Variants in SHE observed in about 807,000 individuals in gnomAD.
SHE encodes the protein SH2 domain-containing adapter protein E.
Under a neutral mutation model 49.8 loss-of-function variants are expected in SHE, and 11 were observed. The observed-to-expected ratio is 0.22, with a 90% CI of 0.14 to 0.37. The LOEUF is 0.37. Ranked by LOEUF, SHE falls within the 10% of genes least tolerant of loss-of-function variation. The probability of loss-of-function intolerance (pLI) is 1.00; values close to 1 mark genes in which losing one functional copy is unlikely to be tolerated. For synonymous variants in SHE, 310 were observed against 278.1 expected (o/e 1.11, Z -1.14); for missense variants, 624 against 655.5 (o/e 0.95, Z 0.52).
At chr1:154,474,243 C>G (rs1691822393) in intron 1 of SHE, among the ~76,000 whole-genome samples, 1 of 152,198 alleles carries the variant, frequency 6.6e-6, no homozygotes, top group Non-Finnish European at 1.5e-5. Flanking sequence ...CCATGGGAGT[C>G]TGAGCGCACA....
chr1:154,489,407 G>C (rs1176857812), intron 2 of SHE, 51 bp from the exon 3 acceptor site: 1 of 1,568,038 alleles, frequency 6.4e-7, no homozygotes, highest in East Asian at 2.2e-5. Context: ...ACAATGTCTT[G>C]AAAGCAAAGA....
intron 3 of SHE, among the ~76,000 whole-genome samples, chr1:154,488,485 C>T (rs370129780): frequency 6.6e-6 from 1 of 152,264 alleles, no homozygotes; most frequent in African/African-American, 2.4e-5. Context: ...TCTTGAACTC[C>T]TGACCTCAAG....
At chr1:154,490,425 C>T (rs2149294436) in intron 2 of SHE, among the ~76,000 whole-genome samples, 1 of 152,280 alleles carries the variant, frequency 6.6e-6, no homozygotes, top group South Asian at 2.1e-4. Context: ...TTGTCTAAAC[C>T]AGTAAGTGCC....
rs1692019322 is a variant in SHE at position 154,481,580 on chromosome 1, A to AAAAATTGTAT, written c.*2559_*2568dup. 1.0e-6 allele frequency: 1 copy of AAAAATTGTAT among 985,282 alleles called. No individual in the cohort carries two copies. Among genetic ancestry groups the AAAAATTGTAT allele is most frequent in the Non-Finnish European group, 1.2e-6 (1 of 829,886 alleles). 61.0% of individuals were successfully genotyped at this position (985,282 alleles called of 1,614,324 possible). ...GCCAAAAATCATTTAGTGCACAAAG[A>AAAAATTGTAT]AAAATTGTATAAAGCTTTTAGCATT... On this transcript the variant is annotated 3_prime_UTR_variant, in exon 6 of 6. Transcript: ENST00000304760.
intron 2 of SHE, among the ~76,000 whole-genome samples, chr1:154,498,002 T>A (rs530759410): frequency 6.6e-6 from 1 of 152,196 alleles, no homozygotes; most frequent in Admixed American, 6.5e-5. Flanking sequence ...TTATAATTAC[T>A]GCTTAGTAAT....
chr1:154,476,471 C>G (rs898307760), downstream of SHE, among the ~76,000 whole-genome samples: 1 of 151,976 alleles, frequency 6.6e-6, no homozygotes, highest in African/African-American at 2.4e-5. Context: ...AGTGAAACCC[C>G]GTCTCTACTA....
intron 1 of SHE, among the ~76,000 whole-genome samples, chr1:154,499,470 G>A (rs1200951573): frequency 6.6e-6 from 1 of 152,078 alleles, no homozygotes; most frequent in South Asian, 2.1e-4. Context: ...TATCCCCAAG[G>A]CTCTTTATAC....
intron 3 of SHE, among the ~76,000 whole-genome samples, chr1:154,488,105 G>A (rs1289562354): frequency 1.3e-5 from 2 of 151,350 alleles, no homozygotes; most frequent in Admixed American, 6.6e-5. Flanking sequence ...ACAACACCCA[G>A]GTATTTTTTG....
chr1:154,494,841 C>T (rs1232846030), intron 2 of SHE, among the ~76,000 whole-genome samples: 1 of 152,134 alleles, frequency 6.6e-6, no homozygotes, highest in African/African-American at 2.4e-5. Flanking sequence ...GACTTGAGGC[C>T]AGGAGTTCGA....
chr1:154,500,651 C>T (rs1007384474), intron 1 of SHE, among the ~76,000 whole-genome samples: 1 of 152,236 alleles, frequency 6.6e-6, no homozygotes, highest in African/African-American at 2.4e-5. Flanking sequence ...CGGACCAACT[C>T]ATCTCAGCAA....
chr1:154,499,138 G>T lies in SHE; in HGVS notation c.692C>A (p.Pro231Gln). Residue 231 changes from proline (P) to glutamine (Q), a missense_variant, in exon 2 of 6, where the codon CCA (proline) becomes CAA (glutamine). Around this residue, in one of 4 missense-constraint regions of SHE, gnomAD observed 7 missense variants for 25.7 expected, o/e 0.27. Coordinates refer to ENST00000304760, the MANE Select transcript of SHE (RefSeq NM_001010846.3). ...RVGENDGYMEPYDAQQMITEI... is the reference protein window; with the variant it reads ...RVGENDGYMEQYDAQQMITEI... ...TGTTATCATTTGCTGTGCATCATAT[G>T]GTTCCATGTAACCGTCGTTCTCTCC... 6.2e-7 allele frequency: 1 copy of T among 1,614,144 alleles called. No individual in the cohort carries two copies. The highest frequency in any genetic ancestry group is 1.3e-5 in the African/African-American group (1 of 75,036).
At chr1:154,485,843 C>T (rs1429861323) in intron 5 of SHE, 100 bp downstream of exon 5, 1 of 1,433,626 alleles carries the variant, frequency 7.0e-7, no homozygotes, top group African/African-American at 1.4e-5. Flanking sequence ...GCAATGCACA[C>T]CCCTGTGAAA....
At chr1:154,474,987 G>A (rs1398419423), downstream of SHE, among the ~76,000 whole-genome samples, 3 of 152,226 alleles carry the variant, frequency 2.0e-5, no homozygotes, top group Admixed American at 1.3e-4. Flanking sequence ...GGAGTTGGCA[G>A]TATGCCTGGT....
intron 2 of SHE, among the ~76,000 whole-genome samples, chr1:154,495,179 T>C (rs1373418908): frequency 6.6e-6 from 1 of 152,254 alleles, no homozygotes; most frequent in Non-Finnish European, 1.5e-5. Flanking sequence ...AGAATCCTCA[T>C]GCTAACTAGC....
rs1202798729 is a variant in SHE at position 154,483,810 on chromosome 1, G to A, written c.*339C>T. 5 of 882,000 alleles carry A rather than the reference G, an allele frequency of 5.7e-6. No homozygotes were observed. Among genetic ancestry groups the A allele is most frequent in the African/African-American group, 1.8e-5 (1 of 54,318 alleles). 54.6% of individuals were successfully genotyped at this position (882,000 alleles called of 1,614,324 possible). A position where few individuals can be genotyped will look rare whatever the true frequency, so the allele number is the denominator to read the frequency against. ...AGTTTGAGACCAGCCTGACGAAGAC[G>A]GCGAAACCCCATCTCTACTAAAAAT... is the stretch of plus-strand genomic sequence containing the variant. On this transcript the variant is annotated 3_prime_UTR_variant, in exon 6 of 6. Transcript: ENST00000304760.
intron 2 of SHE, among the ~76,000 whole-genome samples, chr1:154,490,029 A>G (rs1306428309): frequency 6.6e-6 from 1 of 152,244 alleles, no homozygotes; most frequent in East Asian, 1.9e-4. Context: ...CACCACTGTA[A>G]AGGTTGAAAA....
chr1:154,470,980 A>T (rs1691727768), intron 1 of SHE, among the ~76,000 whole-genome samples: 1 of 151,610 alleles, frequency 6.6e-6, no homozygotes, highest in South Asian at 2.1e-4. Context: ...ACTGCACTCC[A>T]GCCTGGGTGA....
chr1:154,474,565 T>G (rs992625757), downstream of SHE, among the ~76,000 whole-genome samples: 1 of 152,130 alleles, frequency 6.6e-6, no homozygotes, highest in Non-Finnish European at 1.5e-5. Flanking sequence ...TGGAGTGCAG[T>G]GGTGCCATCT....
chr1:154,482,794 G>A lies in SHE; in HGVS notation c.*1355C>T. 2 of 985,344 alleles carry A rather than the reference G, an allele frequency of 2.0e-6. No homozygotes were observed. Among genetic ancestry groups the A allele is most frequent in the Non-Finnish European group, 2.4e-6 (2 of 829,916 alleles). The allele number at this position is 985,344 out of a possible 1,614,324, so 61.0% of individuals were successfully genotyped here. A position where few individuals can be genotyped will look rare whatever the true frequency, so the allele number is the denominator to read the frequency against. On this transcript the variant is annotated 3_prime_UTR_variant, in exon 6 of 6. Transcript: ENST00000304760. ...ATGGTATTTAAGAGAAAACCTCTAG[G>A]TCTTTTCAAACACTTCTGTATAGTA...
Sources: allele counts gnomAD v4.1 joint callset (sites outside exome capture counted in the v4.1 genomes callset), GRCh38; gene constraint gnomAD v4.1.1; regional missense constraint gnomAD v4.1.1; transcripts MANE v1.5; gene names NCBI Gene and HGNC (gene_info 2026-07-23, HGNC 2026-07-21).